The following TTC5 variants were observed in gnomAD, a reference collection of about 807,000 sequenced individuals.
TTC5 encodes tetratricopeptide repeat domain 5, also known as tetratricopeptide repeat protein 5.
TTC5 carries 46 observed loss-of-function variants against 57.4 expected under a neutral mutation model. The observed-to-expected ratio is 0.80, with a 90% CI of 0.63 to 1.03. The LOEUF is 1.03. Among genes scored for constraint, TTC5 ranks in the 50% least tolerant of loss-of-function variants. The probability of loss-of-function intolerance (pLI) is 0.00; values close to 1 mark genes in which losing one functional copy is unlikely to be tolerated. For missense variants in TTC5, 504 were observed against 528.1 expected, an observed-to-expected ratio of 0.95 and a Z score of 0.45; for synonymous variants, 190 against 203.5, an observed-to-expected ratio of 0.93 and a Z score of 0.57.
At position 20,299,399 on chromosome 14, in the gene TTC5, A is replaced by T. The variant is rs1378583966; in HGVS notation, c.446T>A (p.Leu149Gln). ...LQNLSMVLRQ[L>Q]RTDTEDEHSH... The stretch of plus-strand genomic sequence containing the variant: ...ATGTTCATCTTCAGTGTCAGTCCGC[A>T]GCTGACGAAGCACCATTGACAGGTT... Residue 149 changes from leucine (L) to glutamine (Q), a missense_variant, in exon 4 of 10, where the codon CTG becomes CAG. By Grantham distance (113) the Leu-to-Gln change is moderately radical (BLOSUM62 -2). Coordinates refer to ENST00000258821, the MANE Select transcript of TTC5 (RefSeq NM_138376.3). 1.9e-6 allele frequency: 3 copies of T among 1,614,008 alleles called. No homozygotes were observed.
chr14:20,295,341 A>G lies in TTC5; in HGVS notation c.1029T>C (p.Phe343=). The change falls in exon 8 of 10, where the codon TTT becomes TTC. Residue 343 remains phenylalanine (F), a synonymous_variant. Transcript: ENST00000258821. ...GGACTTTCTCCTCTGTGGTGAGGCT[A>G]AATACCACCTTTCCCAGGATGACGG... ...SGAVILGKVV[F]SLTTEEKVPF... The G allele has an allele frequency of 1.2e-6, 2 of 1,614,206 alleles. No homozygotes were observed. The highest frequency in any genetic ancestry group is 1.7e-6 in the Non-Finnish European group (2 of 1,180,038).
At chr14:20,296,536 G>C in intron 5 of TTC5, 90 bp from the exon 6 acceptor site, 1 of 1,048,154 alleles carries the variant, frequency 9.5e-7, no homozygotes, top group African/African-American at 1.6e-5. Flanking sequence ...TCTTTCTAGA[G>C]AAATGGAAGT....
At chr14:20,305,704 C>T in intron 1 of TTC5, 183 bp downstream of exon 1, 1 of 626,572 alleles carries the variant, frequency 1.6e-6, no homozygotes, top group Middle Eastern at 3.3e-4. Context: ...AGGTCGGCAG[C>T]AGGAGGTTCC....
At chr14:20,298,386 C>T (rs369807629) in intron 5 of TTC5, among the ~76,000 whole-genome samples, 6 of 152,108 alleles carry the variant, frequency 3.9e-5, no homozygotes, top group African/African-American at 9.7e-5. Flanking sequence ...TATTACCTAA[C>T]GGTTAATTTG....
chr14:20,297,126 T>G (rs1882082262), intron 5 of TTC5, among the ~76,000 whole-genome samples: 1 of 152,254 alleles, frequency 6.6e-6, no homozygotes. Flanking sequence ...GTTCATTTAA[T>G]GCATTTCCTC....
chr14:20,293,738 T>A (rs1355119658), intron 8 of TTC5: 1 of 152,118 alleles, frequency 6.6e-6, no homozygotes, highest in African/African-American at 2.4e-5. Context: ...AAAAGGCAAA[T>A]CTTTTTGGAG....
At position 20,288,585 on chromosome 14, in the gene TTC5, T is replaced by G. The variant is rs1881887807; in HGVS notation, c.*1042A>C. On this transcript the variant is annotated 3_prime_UTR_variant, in exon 10 of 10. Transcript: ENST00000258821. The stretch of plus-strand genomic sequence containing the variant: ...TGCCTGCCACCACGCCCAGCTAATT[T>G]TTGTATTTTTAGTAGAGACGGAGTT... 1 of 152,306 alleles carries G rather than the reference T, an allele frequency of 6.6e-6. No homozygotes were observed. Among genetic ancestry groups the G allele is most frequent in the Admixed American group, 6.5e-5 (1 of 15,282 alleles). The allele number at this position is 152,306 out of a possible 1,614,324, so 9.4% of individuals were successfully genotyped here.
chr14:20,298,414 A>G (rs756841341), intron 5 of TTC5, among the ~76,000 whole-genome samples: 2 of 152,268 alleles, frequency 1.3e-5, no homozygotes, highest in Non-Finnish European at 2.9e-5. Context: ...CACTTAATTT[A>G]CACTGAAGTA....
rs1041389138 is a variant in TTC5, at chr14:20,289,384, CAT to C, written c.*241_*242del. On this transcript the variant is annotated 3_prime_UTR_variant, in exon 10 of 10. Transcript: ENST00000258821. ...CCAATTCCATGCTCTTTGCTTAAAA[CAT>C]AGAGAGCAGTGGAAGAGACAGGAGA... is the stretch of plus-strand genomic sequence containing the variant. 3 of 336,440 alleles carry C rather than the reference CAT, an allele frequency of 8.9e-6. No homozygotes were observed. The highest frequency in any genetic ancestry group is 1.6e-5 in the Non-Finnish European group (3 of 184,684). The allele number at this position is 336,440 out of a possible 1,614,324, so 20.8% of individuals were successfully genotyped here.
intron 5 of TTC5, among the ~76,000 whole-genome samples, chr14:20,297,503 G>A (rs1882089927): frequency 6.6e-6 from 1 of 152,196 alleles, no homozygotes; most frequent in Admixed American, 6.5e-5. Context: ...AGGCACGGTG[G>A]CTCACACTTG....
At position 20,288,588 on chromosome 14, in the gene TTC5, G is replaced by A. The variant is rs1271994901; in HGVS notation, c.*1039C>T. 6.6e-6 allele frequency: 1 copy of A among 152,280 alleles called. No individual in the cohort carries two copies. Among genetic ancestry groups the A allele is most frequent in the East Asian group, 1.9e-4 (1 of 5,200 alleles). 9.4% of individuals were successfully genotyped at this position (152,280 alleles called of 1,614,324 possible). ...CTGCCACCACGCCCAGCTAATTTTT[G>A]TATTTTTAGTAGAGACGGAGTTTCA... On this transcript the variant is annotated 3_prime_UTR_variant, in exon 10 of 10. Transcript: ENST00000258821.
intron 8 of TTC5, chr14:20,293,647 G>T (rs1018477082): frequency 6.6e-6 from 1 of 152,228 alleles, no homozygotes; most frequent in Non-Finnish European, 1.5e-5. Flanking sequence ...GGAAACCAGA[G>T]AATCAGGGAG....
intron 9 of TTC5, among the ~76,000 whole-genome samples, chr14:20,291,485 G>A (rs778433219): frequency 3.3e-5 from 5 of 152,150 alleles, no homozygotes; most frequent in Non-Finnish European, 5.9e-5. Context: ...AGAATTGAAT[G>A]GGGCAAGGCA....
Position 20,296,376 on chromosome 14 carries a change from C to T in TTC5, c.696+14G>A, listed in dbSNP as rs201444729. The T allele has an allele frequency of 1.2e-6, 2 of 1,608,224 alleles. No individual in the cohort carries two copies. Among genetic ancestry groups the T allele is most frequent in the African/African-American group, 1.3e-5 (1 of 74,806 alleles). On this transcript the variant is annotated intron_variant, in intron 6 of 9. Transcript: ENST00000258821. The stretch of plus-strand genomic sequence containing the variant: ...TTATTTGACCCTCAGATGACTACAC[C>T]CCAAAGGTCTTACCGTCGCCCTGTT...
At chr14:20,291,712 A>G (rs1385347687) in intron 9 of TTC5, among the ~76,000 whole-genome samples, 1 of 152,168 alleles carries the variant, frequency 6.6e-6, no homozygotes, top group Non-Finnish European at 1.5e-5. Context: ...CTTCAGGTAT[A>G]TACACCAAAC....
intron 1 of TTC5, among the ~76,000 whole-genome samples, chr14:20,302,503 T>C (rs980472299): frequency 6.6e-6 from 1 of 152,222 alleles, no homozygotes; most frequent in African/African-American, 2.4e-5. Context: ...ACATACCAAT[T>C]TGAACTTGGT....
At chr14:20,297,628 G>A (rs958763041) in intron 5 of TTC5, among the ~76,000 whole-genome samples, 1 of 151,996 alleles carries the variant, frequency 6.6e-6, no homozygotes, top group African/African-American at 2.4e-5. Context: ...AAAATTAGGC[G>A]GGCATGGTGT....
intron 9 of TTC5, among the ~76,000 whole-genome samples, chr14:20,291,514 C>T (rs981660531): frequency 2.6e-5 from 4 of 152,196 alleles, no homozygotes; most frequent in African/African-American, 7.2e-5. Flanking sequence ...AAACTCTTAG[C>T]ACAGTGTCTA....
rs1184743899 is a variant in TTC5 at position 20,289,497 on chromosome 14, G to T, written c.*130C>A. 26 of 1,150,520 alleles carry T rather than the reference G, an allele frequency of 2.3e-5. No homozygotes were observed. The highest frequency in any genetic ancestry group is 3.1e-5 in the Non-Finnish European group (26 of 832,940). The allele number at this position is 1,150,520 out of a possible 1,614,324, so 71.3% of individuals were successfully genotyped here. ...GAGAAGAGATACGAAGTGTAATACA[G>T]GCAGGGAAAGAGAAAGTCTTCATTT... On this transcript the variant is annotated 3_prime_UTR_variant, in exon 10 of 10. Transcript: ENST00000258821.
Sources: allele counts gnomAD v4.1 joint callset (sites outside exome capture counted in the v4.1 genomes callset), GRCh38; gene constraint gnomAD v4.1.1; transcripts MANE v1.5; gene names NCBI Gene and HGNC (gene_info 2026-07-23, HGNC 2026-07-21).